The following COL25A1 variants were observed in gnomAD, a reference collection of about 807,000 sequenced individuals.
COL25A1 encodes collagen alpha-1(XXV) chain.
A neutral mutation model predicts 128.4 loss-of-function variants in COL25A1; 103 were observed. That is an observed-to-expected ratio of 0.80 (90% confidence interval 0.68 to 0.94). The LOEUF is 0.94. Ranked by LOEUF, COL25A1 falls within the 40% of genes least tolerant of loss-of-function variation. The pLI is 0.00. For synonymous variants in COL25A1, 279 were observed against 277.2 expected, an observed-to-expected ratio of 1.01 and a Z score of -0.06; for missense variants, 745 against 840.0, an observed-to-expected ratio of 0.89 and a Z score of 1.40.
At chr4:109,213,138 T>A (rs1158531539) in intron 3 of COL25A1, among the ~76,000 whole-genome samples, 1 of 152,210 alleles carries the variant, frequency 6.6e-6, no homozygotes, top group Non-Finnish European at 1.5e-5. Context: ...ATTTCTAGAA[T>A]ACTAATTATT....
intron 3 of COL25A1, among the ~76,000 whole-genome samples, chr4:109,219,203 G>C (rs763602649): frequency 8.5e-5 from 13 of 152,086 alleles, no homozygotes; most frequent in African/African-American, 1.2e-4. Flanking sequence ...AATAAAACTA[G>C]AAGGAACTGT....
At chr4:109,270,254 CA>C (rs1468529656) in intron 3 of COL25A1, among the ~76,000 whole-genome samples, 2 of 151,992 alleles carry the variant, frequency 1.3e-5, no homozygotes, top group Non-Finnish European at 2.9e-5. Context: ...AAAGGGTATT[CA>C]ATTAGGAAAA....
At chr4:109,282,981 GA>G (rs960474660) in intron 3 of COL25A1, among the ~76,000 whole-genome samples, 4 of 150,760 alleles carry the variant, frequency 2.7e-5, no homozygotes, top group Non-Finnish European at 5.9e-5. Context: ...AAGCACTGAA[GA>G]AAAAAAGGAT....
At chr4:109,229,507 C>T (rs562340167) in intron 3 of COL25A1, among the ~76,000 whole-genome samples, 5 of 152,250 alleles carry the variant, frequency 3.3e-5, no homozygotes, top group Non-Finnish European at 7.4e-5. Context: ...ACAAAGCCTA[C>T]CTCACACACA....
At chr4:108,934,841 A>G (rs1024148518) in intron 11 of COL25A1, among the ~76,000 whole-genome samples, 1 of 152,212 alleles carries the variant, frequency 6.6e-6, no homozygotes, top group East Asian at 1.9e-4. Context: ...TACATCTGTT[A>G]TATAAATCTA....
intron 13 of COL25A1, among the ~76,000 whole-genome samples, chr4:108,902,805 C>A (rs1241394014): frequency 6.6e-6 from 1 of 151,796 alleles, no homozygotes; most frequent in East Asian, 1.9e-4. Context: ...TAATGATGGT[C>A]ATTATGGGAA....
At position 109,197,934 on chromosome 4, in the gene COL25A1, T is replaced by C. The variant is rs539400570; in HGVS notation, c.367+102649A>G. 1.2e-3 allele frequency among the ~76,000 whole-genome samples: 181 copies of C among 152,300 alleles called. 1 individual carries two copies. Among genetic ancestry groups the C allele is most frequent in the Admixed American group, 3.5e-3 (53 of 15,288 alleles). ...AAGATGAATAATATACATGCAACTT[T>C]ACTATGTTGTCAATATTACATTCAC... is the stretch of plus-strand genomic sequence containing the variant. On this transcript the variant is annotated intron_variant, in intron 3 of 37. Transcript: ENST00000399132.
At chr4:109,118,156 C>T (rs1767776752) in intron 3 of COL25A1, among the ~76,000 whole-genome samples, 1 of 151,726 alleles carries the variant, frequency 6.6e-6, no homozygotes, top group Admixed American at 6.6e-5. Flanking sequence ...AATTGATACA[C>T]TTTGTCTCCA....
intron 3 of COL25A1, among the ~76,000 whole-genome samples, chr4:109,216,341 AAAG>A (rs1361862368): frequency 6.6e-6 from 1 of 152,088 alleles, no homozygotes; most frequent in Non-Finnish European, 1.5e-5. Flanking sequence ...GGGGGCAGTT[AAAG>A]AAGAAACTCA....
chr4:109,146,490 G>A (rs1248500646), intron 3 of COL25A1, among the ~76,000 whole-genome samples: 1 of 152,174 alleles, frequency 6.6e-6, no homozygotes, highest in Non-Finnish European at 1.5e-5. Context: ...CTGCTTAAGG[G>A]CAAGTCCCAC....
At chr4:109,001,379 C>CTGAGATCCTGTCAGGTAGGCATG (rs1417729290) in intron 6 of COL25A1, among the ~76,000 whole-genome samples, 1 of 152,192 alleles carries the variant, frequency 6.6e-6, no homozygotes, top group Non-Finnish European at 1.5e-5. Flanking sequence ...AAACAGGCAT[C>CTGAGATCCTGTCAGGTAGGCATG]TGAGATCCTG....
chr4:108,938,343 AT>A (rs1474534849), intron 10 of COL25A1, among the ~76,000 whole-genome samples: 3 of 152,244 alleles, frequency 2.0e-5, no homozygotes, highest in Non-Finnish European at 4.4e-5. Flanking sequence ...TTGGCTAAAA[AT>A]ATTTTTGTCT....
intron 3 of COL25A1, among the ~76,000 whole-genome samples, chr4:109,133,815 T>C (rs1769444853): frequency 6.6e-6 from 1 of 152,080 alleles, no homozygotes; most frequent in Admixed American, 6.6e-5. Flanking sequence ...TATTAAACAT[T>C]GGAAATAAAG....
intron 5 of COL25A1, among the ~76,000 whole-genome samples, chr4:109,028,295 G>T (rs1758510319): frequency 6.6e-6 from 1 of 152,114 alleles, no homozygotes; most frequent in Non-Finnish European, 1.5e-5. Context: ...TTTTTGTAGA[G>T]ACAGGTTCTT....
intron 6 of COL25A1, among the ~76,000 whole-genome samples, chr4:108,989,820 A>C (rs1753996218): frequency 6.6e-6 from 1 of 152,234 alleles, no homozygotes; most frequent in Non-Finnish European, 1.5e-5. Context: ...CTATCCAAAA[A>C]ATAAGTATAT....
At chr4:108,989,360 A>G (rs1466653591) in intron 6 of COL25A1, among the ~76,000 whole-genome samples, 3 of 152,136 alleles carry the variant, frequency 2.0e-5, no homozygotes, top group Non-Finnish European at 4.4e-5. Flanking sequence ...AAATTCTACT[A>G]TGTTTATTTT....
Position 109,228,756 on chromosome 4 carries a change from TGACCA to T in COL25A1, c.367+71822_367+71826del, listed in dbSNP as rs1286160492. On this transcript the variant is annotated intron_variant, in intron 3 of 37. Transcript: ENST00000399132. ...TATAGGACTCTCCAGATCCCTTTCT[TGACCA>T]GAGACCAAATATGCTAGCACCACCA... 6.6e-5 allele frequency among the ~76,000 whole-genome samples: 10 copies of T among 152,316 alleles called. No individual in the cohort carries two copies. In the East Asian group the frequency reaches 1.9e-3, roughly 29 times the overall value.
intron 5 of COL25A1, among the ~76,000 whole-genome samples, chr4:109,033,078 T>C (rs1470882658): frequency 6.6e-6 from 1 of 152,262 alleles, no homozygotes; most frequent in Non-Finnish European, 1.5e-5. Flanking sequence ...AAATAAAGTC[T>C]GCTAAAGCAA....
chr4:109,036,205 G>A (rs566143967), intron 5 of COL25A1, among the ~76,000 whole-genome samples: 12 of 152,132 alleles, frequency 7.9e-5, no homozygotes, highest in African/African-American at 2.7e-4. Context: ...GGGATTACAG[G>A]CATGAGCTAC....
Sources: gnomAD v4.1 joint callset for allele counts (sites outside exome capture counted in the v4.1 genomes callset) on GRCh38, gnomAD v4.1.1 for gene constraint, MANE v1.5 for transcripts, NCBI Gene and HGNC (gene_info 2026-07-23, HGNC 2026-07-21) for gene names.